Variants in EPX observed in about 807,000 individuals in gnomAD.
EPX encodes the protein eosinophil peroxidase.
A neutral mutation model predicts 73.0 loss-of-function variants in EPX; 60 were observed. The observed-to-expected ratio is 0.82, with a 90% CI of 0.67 to 1.02. The LOEUF is 1.02. Ranked by LOEUF, EPX falls within the 50% of genes least tolerant of loss-of-function variation. The pLI is 0.00. For synonymous variants in EPX, 347 were observed against 389.2 expected (o/e 0.89, Z 1.28); for missense variants, 950 against 973.9 (o/e 0.98, Z 0.33).
chr17:58,192,968 G>A, intron 1 of EPX, 46 bp downstream of exon 1: 2 of 1,602,744 alleles, frequency 1.2e-6, no homozygotes, highest in Non-Finnish European at 1.7e-6. Context: ...GGAAATGGAA[G>A]GGGAAGCACT....
At position 58,193,953 on chromosome 17, in the gene EPX, A is replaced by T. The variant is rs1357424592; in HGVS notation, c.465-10A>T. 6.2e-7 allele frequency: 1 copy of T among 1,612,654 alleles called. No homozygotes were observed. Among genetic ancestry groups the T allele is most frequent in the Admixed American group, 1.7e-5 (1 of 60,014 alleles). On this transcript the variant is annotated splice_polypyrimidine_tract_variant and intron_variant, in intron 4 of 12. Coordinates refer to ENST00000225371, the MANE Select transcript of EPX (RefSeq NM_000502.6). Reference sequence around the variant, plus strand: ...TGCCCCCTGCTAACCTATCCCACCCATGGCTGCAGGAGGAGACCCTTGCTA... The same window carrying T: ...TGCCCCCTGCTAACCTATCCCACCCTTGGCTGCAGGAGGAGACCCTTGCTA...
rs1183778202 is a variant in EPX, at chr17:58,199,616, G to T, written c.1359G>T (p.Gly453=). ...RARRTLGHYR[G]YCSNVDPRVA... is the part of the protein sequence containing the mutation. ...GGAGAACCCTGGGGCACTACAGGGG[G>T]TACTGCTCCAATGTGGACCCACGGG... is the stretch of plus-strand genomic sequence containing the variant. Residue 453 remains glycine, a synonymous_variant, in exon 9 of 13, where the codon GGG becomes GGT. Coordinates refer to ENST00000225371, the MANE Select transcript of EPX (RefSeq NM_000502.6). 6.2e-7 allele frequency: 1 copy of T among 1,614,058 alleles called. No homozygotes were observed. The highest frequency in any genetic ancestry group is 1.7e-5 in the Admixed American group (1 of 60,006).
intron 6 of EPX, 137 bp downstream of exon 6, chr17:58,195,307 A>C: frequency 1.3e-6 from 1 of 761,606 alleles, no homozygotes; most frequent in Non-Finnish European, 2.3e-6. Flanking sequence ...ACAGAGACAC[A>C]AGAAACACAG....
chr17:58,201,007 G>A (rs1468844011), intron 10 of EPX, among the ~76,000 whole-genome samples: 1 of 152,232 alleles, frequency 6.6e-6, no homozygotes, highest in African/African-American at 2.4e-5. Flanking sequence ...GAGAAACTAT[G>A]TTCAGAGACA....
Position 58,200,264 on chromosome 17 carries a change from C to A in EPX, c.1577C>A (p.Pro526His). The A allele has an allele frequency of 6.2e-7, 1 of 1,614,222 alleles. No homozygotes were observed. The highest frequency in any genetic ancestry group is 8.5e-7 in the Non-Finnish European group (1 of 1,180,028). The change falls in exon 10 of 13, where the codon CCT (proline) becomes CAT (histidine). Residue 526 changes from proline (P) to histidine (H), a missense_variant. Physicochemically the swap from Pro to His is moderately conservative, Grantham distance 77. Coordinates refer to ENST00000225371, the MANE Select transcript of EPX (RefSeq NM_000502.6). ...DPILRGLMAT[P>H]AKLNRQDAML... is the part of the protein sequence containing the mutation. ...ATCCTCCGGGGCCTCATGGCCACCC[C>A]TGCCAAGCTGAACCGTCAGGATGCC... is the stretch of plus-strand genomic sequence containing the variant.
chr17:58,204,149 TG>T, intron 11 of EPX, 72 bp from the exon 12 acceptor site: 1 of 993,534 alleles, frequency 1.0e-6, no homozygotes, highest in Non-Finnish European at 1.6e-6. Flanking sequence ...GTAAAGTACC[TG>T]GCACACAACA....
chr17:58,194,147 A>G (rs1177002633), intron 5 of EPX, 55 bp downstream of exon 5: 13 of 1,583,132 alleles, frequency 8.2e-6, no homozygotes, highest in East Asian at 6.7e-5. Context: ...TGCGGGGAGT[A>G]AAACACAGCC....
chr17:58,196,902 A>T (rs780389517), intron 6 of EPX, 37 bp from the exon 7 acceptor site: 1 of 1,543,880 alleles, frequency 6.5e-7, no homozygotes, highest in South Asian at 1.1e-5. Flanking sequence ...TCTGCTATTG[A>T]GGGGGCCCCA....
chr17:58,203,218 A>G lies in EPX; in HGVS notation c.1846A>G (p.Ile616Val), dbSNP rs1480854818. 6.2e-7 allele frequency: 1 copy of G among 1,614,044 alleles called. No individual in the cohort carries two copies. The highest frequency in any genetic ancestry group is 8.5e-7 in the Non-Finnish European group (1 of 1,180,028). ...YGTPDNIDIW[I>V]GAIAEPLLPG... The stretch of plus-strand genomic sequence containing the variant: ...AACACCTGACAACATTGACATCTGG[A>G]TTGGGGCCATCGCTGAGCCTCTTTT... The change falls in exon 11 of 13, where the codon ATT becomes GTT. Residue 616 changes from isoleucine to valine, a missense_variant. Ile to Val is a conservative substitution (Grantham distance 29, BLOSUM62 3). Coordinates refer to ENST00000225371, the MANE Select transcript of EPX (RefSeq NM_000502.6).
At position 58,193,771 on chromosome 17, in the gene EPX, G is replaced by T. The variant is rs764610927; in HGVS notation, c.404G>T (p.Arg135Leu). Residue 135 changes from arginine (R) to leucine (L), a missense_variant, in exon 4 of 13, where the codon CGG becomes CTG. By Grantham distance (102) the Arg-to-Leu change is moderately radical. Transcript: ENST00000225371. Reference sequence around the variant, plus strand: ...TCCCAGGCCAGTGGCTGTGCTCTCCGGGACCAGGCCGAGCGCTGCAGCGAC... The same window carrying T: ...TCCCAGGCCAGTGGCTGTGCTCTCCTGGACCAGGCCGAGCGCTGCAGCGAC... ...LLSQASGCAL[R>L]DQAERCSDKY... 3 of 1,612,824 alleles carry T rather than the reference G, an allele frequency of 1.9e-6. No individual in the cohort carries two copies. The highest frequency in any genetic ancestry group is 4.5e-5 in the East Asian group (2 of 44,868).
At chr17:58,196,033 CTTTCTTTCTT>C (rs34704928) in intron 6 of EPX, among the ~76,000 whole-genome samples, 47,076 of 144,596 alleles carry the variant, frequency 0.33, 7,888 homozygotes, top group African/African-American at 0.39. Flanking sequence ...TCCTTCCTTT[CTTTCTTTCTT>C]TTTCTTTCTT....
At chr17:58,195,214 C>T (rs1284778417) in intron 6 of EPX, 44 bp downstream of exon 6, 1 of 1,502,820 alleles carries the variant, frequency 6.7e-7, no homozygotes. Flanking sequence ...TGTGGCCTCC[C>T]CCAAAGGCAA....
In EPX at chr17:58,203,094, G is replaced by T. The variant is rs1347055442; in HGVS notation, c.1722G>T (p.Trp574Cys). The change falls in exon 11 of 13, where the codon TGG becomes TGT. Residue 574 changes from tryptophan to cysteine, a missense_variant. Transcript: ENST00000225371. ...RDHGLPGYNA[W>C]RRFCGLSQPR... The stretch of plus-strand genomic sequence containing the variant: ...GTTCCCCTGCAGGGTACAATGCTTG[G>T]AGGCGCTTCTGTGGGCTCTCCCAGC... 1.9e-6 allele frequency: 3 copies of T among 1,613,702 alleles called. 1 individual carries two copies. The South Asian group carries it at 3.3e-5, about 18-fold the overall frequency.
At position 58,192,898 on chromosome 17, in the gene EPX, C is replaced by T. The variant is rs1026206484; in HGVS notation, c.52C>T (p.Gln18Ter). Residue 18 changes from glutamine to a stop codon, truncating the protein, a stop_gained, in exon 1 of 13, where the codon CAG becomes TAG. Transcript: ENST00000225371. LOFTEE classifies it high-confidence loss of function. ...GGTCCTGGCCACACTCGTCCTCGCC[C>T]AGCCCTGTGAGGGCACTGACCCAGG... ...AGVLATLVLAQPCEGTDPASP... is the reference protein window; with the variant it reads ...AGVLATLVLA 6.2e-7 allele frequency: 1 copy of T among 1,614,038 alleles called. No homozygotes were observed. The highest frequency in any genetic ancestry group is 1.3e-5 in the African/African-American group (1 of 74,932).
At chr17:58,200,545 A>G (rs1968327014) in intron 10 of EPX, 150 bp downstream of exon 10, 3 of 807,816 alleles carry the variant, frequency 3.7e-6, no homozygotes, top group Admixed American at 4.1e-5. Flanking sequence ...TCGATGTCCC[A>G]AAGCACTCCT....
intron 11 of EPX, among the ~76,000 whole-genome samples, chr17:58,203,931 CAAAAAAAAAAAAAAAAAAAAAAAAA>C (rs567848038): frequency 9.1e-3 from 143 of 15,782 alleles, no homozygotes; most frequent in Admixed American, 0.032. Flanking sequence ...GACTCCGTCT[CAAAAAAAAAAAAAAAAAAAAAAAAA>C]AAAAAAAAAA....
Position 58,192,822 on chromosome 17 carries a change from C to T in EPX, c.-25C>T, listed in dbSNP as rs760499028. ...CAGGCTGTGGATGTCACTCACTTCC[C>T]AGCTGGTGAAGCCTCGCTGCAGAGA... On this transcript the variant is annotated 5_prime_UTR_variant, in exon 1 of 13. An upstream open reading frame in the 5' UTR gains an earlier in-frame stop. Transcript: ENST00000225371. 4 of 1,608,698 alleles carry T rather than the reference C, an allele frequency of 2.5e-6. No individual in the cohort carries two copies. The highest frequency in any genetic ancestry group is 3.4e-6 in the Non-Finnish European group (4 of 1,176,478).
chr17:58,198,378 C>G (rs1374601055), intron 7 of EPX, among the ~76,000 whole-genome samples: 1 of 152,190 alleles, frequency 6.6e-6, no homozygotes, highest in Non-Finnish European at 1.5e-5. Flanking sequence ...GCCCCAACCC[C>G]TCTTTTGAAG....
In EPX at chr17:58,193,083, C is replaced by T. The variant is rs1340266094; in HGVS notation, c.122C>T (p.Ala41Val). ...ACCTCGGTCCTGCGAGACTGCATAG[C>T]AGAGGCCAAGTTGCTGGTGGATGCT... ...VETSVLRDCIAEAKLLVDAAY... is the reference protein window; with the variant it reads ...VETSVLRDCIVEAKLLVDAAY... Residue 41 changes from alanine (A) to valine (V), a missense_variant, in exon 2 of 13, where the codon GCA becomes GTA. Physicochemically the swap from Ala to Val is moderately conservative, Grantham distance 64 (BLOSUM62 0). Coordinates refer to ENST00000225371, the MANE Select transcript of EPX (RefSeq NM_000502.6). 1 of 1,613,048 alleles carries T rather than the reference C, an allele frequency of 6.2e-7. No individual in the cohort carries two copies. The highest frequency in any genetic ancestry group is 1.7e-4 in the Middle Eastern group (1 of 6,060).
Sources: allele counts gnomAD v4.1 joint callset (sites outside exome capture counted in the v4.1 genomes callset), GRCh38; gene constraint gnomAD v4.1.1; transcripts MANE v1.5; gene names NCBI Gene and HGNC (gene_info 2026-07-23, HGNC 2026-07-21).